The following PSMB7 variants were observed in gnomAD, a reference collection of about 807,000 sequenced individuals.
PSMB7 encodes the protein proteasome subunit beta type-7.
In PSMB7, 5 loss-of-function variants were observed where a neutral mutation model predicts 28.1. The ratio of observed to expected loss-of-function variants is 0.18; its 90% CI spans 0.09 to 0.37. The LOEUF is 0.37. PSMB7 is among the 10% of genes least tolerant of loss of function. PSMB7 has a pLI of 1.00. For missense variants in PSMB7, 275 were observed against 346.2 expected, an observed-to-expected ratio of 0.79 and a Z score of 1.63; for synonymous variants, 122 against 123.7, an observed-to-expected ratio of 0.99 and a Z score of 0.09.
chr9:124,356,780 T>C lies in PSMB7; in HGVS notation c.706A>G (p.Asn236Asp). Reference protein sequence around the residue: ...LDFLRPYTVPNKKGTRLGRYR... With the variant: ...LDFLRPYTVPDKKGTRLGRYR... Reference sequence around the variant, plus strand: ...TTCACTCACCTGGTCCCCTTCTTGTTGGGCACTGTGTATGGGCGGAGAAAA... The same window carrying C: ...TTCACTCACCTGGTCCCCTTCTTGTCGGGCACTGTGTATGGGCGGAGAAAA... Residue 236 changes from asparagine to aspartate, a missense_variant, in exon 7 of 8, where the codon AAC becomes GAC. Coordinates refer to ENST00000259457, the MANE Select transcript of PSMB7 (RefSeq NM_002799.4). This position sits in a 1 kb window ranked among gnomAD's most constrained non-coding sequence, Gnocchi z 4.4. The C allele has an allele frequency of 6.2e-7, 1 of 1,613,436 alleles. No individual in the cohort carries two copies. The highest frequency in any genetic ancestry group is 8.5e-7 in the Non-Finnish European group (1 of 1,179,536).
rs1421380019 is a variant in PSMB7 at position 124,358,329 on chromosome 9, G to C, written c.571-1414C>G. ...CAGAAGGACAGAGAAGGTTCTGCTG[G>C]AAGTGGGCTCCTCAGCAAACCAGCA... is the stretch of plus-strand genomic sequence containing the variant. On this transcript the variant is annotated intron_variant, in intron 6 of 7. Transcript: ENST00000259457. 3.3e-5 allele frequency among the ~76,000 whole-genome samples: 5 copies of C among 152,330 alleles called. No homozygotes were observed. The East Asian group carries it at 9.7e-4, about 29-fold the overall frequency.
intron 5 of PSMB7, among the ~76,000 whole-genome samples, chr9:124,386,356 G>A (rs140042197): frequency 4.6e-5 from 7 of 152,320 alleles, no homozygotes; most frequent in African/African-American, 1.7e-4. Context: ...AATGTTCTGT[G>A]AGTCACATAT....
chr9:124,396,253 C>T (rs1162174477), intron 5 of PSMB7, among the ~76,000 whole-genome samples: 2 of 152,116 alleles, frequency 1.3e-5, no homozygotes, highest in Admixed American at 1.3e-4. Flanking sequence ...AATATCTATA[C>T]AAAGGTTGTA....
chr9:124,393,604 C>T (rs549912154), intron 5 of PSMB7, among the ~76,000 whole-genome samples: 2 of 152,326 alleles, frequency 1.3e-5, no homozygotes, highest in South Asian at 4.1e-4. Flanking sequence ...AGTTCCTTTT[C>T]TAAATGTAAT....
At chr9:124,400,979 T>C (rs1431308848) in intron 5 of PSMB7, among the ~76,000 whole-genome samples, 1 of 152,226 alleles carries the variant, frequency 6.6e-6, no homozygotes, top group Non-Finnish European at 1.5e-5. Context: ...TAAGCTGATA[T>C]AAACACTTCT....
intron 4 of PSMB7, among the ~76,000 whole-genome samples, chr9:124,408,619 GGA>G (rs1830992745): frequency 6.6e-6 from 1 of 152,060 alleles, no homozygotes; most frequent in African/African-American, 2.4e-5. Flanking sequence ...TCTGATTTCA[GGA>G]GAGTTACAAG....
intron 5 of PSMB7, chr9:124,396,984 A>T (rs1191849034): frequency 2.8e-6 from 1 of 357,692 alleles, no homozygotes; most frequent in African/African-American, 2.1e-5. Flanking sequence ...AATCAAATGA[A>T]TCGATCACCA....
intron 6 of PSMB7, among the ~76,000 whole-genome samples, chr9:124,357,700 T>G (rs1830424471): frequency 6.6e-6 from 1 of 152,198 alleles, no homozygotes; most frequent in African/African-American, 2.4e-5. Flanking sequence ...CCCCATCACA[T>G]GCTATGTCCT....
At chr9:124,358,691 C>T in intron 6 of PSMB7, among the ~76,000 whole-genome samples, 1 of 152,232 alleles carries the variant, frequency 6.6e-6, no homozygotes, top group East Asian at 1.9e-4. Flanking sequence ...GGTGTGTGCG[C>T]ACATGGGCAC....
chr9:124,375,537 A>T (rs1830602206), intron 6 of PSMB7, among the ~76,000 whole-genome samples: 1 of 152,126 alleles, frequency 6.6e-6, no homozygotes, highest in African/African-American at 2.4e-5. Flanking sequence ...CCCCAGACAA[A>T]CGAGATACCG....
At chr9:124,362,127 A>G (rs532958846) in intron 6 of PSMB7, among the ~76,000 whole-genome samples, 45 of 152,386 alleles carry the variant, frequency 3.0e-4, no homozygotes, top group Middle Eastern at 3.4e-3. Context: ...ACTATTTTAT[A>G]CATAGCTTTG....
chr9:124,400,404 A>G (rs999296799), intron 5 of PSMB7, among the ~76,000 whole-genome samples: 1 of 152,196 alleles, frequency 6.6e-6, no homozygotes, highest in Non-Finnish European at 1.5e-5. Context: ...TAGCTCTCAA[A>G]AGGTAAAATG....
intron 5 of PSMB7, among the ~76,000 whole-genome samples, chr9:124,390,622 T>C (rs867472234): frequency 5.3e-5 from 8 of 152,350 alleles, no homozygotes; most frequent in Middle Eastern, 3.4e-3. Context: ...TTATGCACTA[T>C]ATATTATACA....
At chr9:124,392,985 TCA>T (rs1204701635) in intron 5 of PSMB7, among the ~76,000 whole-genome samples, 1 of 152,172 alleles carries the variant, frequency 6.6e-6, no homozygotes, top group East Asian at 1.9e-4. Flanking sequence ...TCACACTTGC[TCA>T]TTGTTAGTCA....
intron 6 of PSMB7, among the ~76,000 whole-genome samples, chr9:124,367,647 C>T (rs1360142331): frequency 2.0e-5 from 3 of 152,178 alleles, no homozygotes; most frequent in Non-Finnish European, 2.9e-5. Context: ...AGTCCTGTTA[C>T]TTACCAGCGG....
At chr9:124,371,275 A>C (rs1830559482) in intron 6 of PSMB7, among the ~76,000 whole-genome samples, 1 of 152,242 alleles carries the variant, frequency 6.6e-6, no homozygotes, top group South Asian at 2.1e-4. Flanking sequence ...TAAGATTCTA[A>C]GCTACAAACC....
At chr9:124,398,698 G>C (rs1830866467) in intron 5 of PSMB7, among the ~76,000 whole-genome samples, 1 of 152,152 alleles carries the variant, frequency 6.6e-6, no homozygotes, top group Admixed American at 6.5e-5. Flanking sequence ...TTAGTATTCA[G>C]AAGCAAGGCT....
chr9:124,373,761 A>C (rs1830584368), intron 6 of PSMB7, among the ~76,000 whole-genome samples: 1 of 152,254 alleles, frequency 6.6e-6, no homozygotes, highest in Non-Finnish European at 1.5e-5. Flanking sequence ...ATGGAAGGAT[A>C]TATGGAAAGG....
intron 7 of PSMB7, among the ~76,000 whole-genome samples, chr9:124,355,555 C>T (rs891456180): frequency 5.3e-5 from 8 of 152,228 alleles, no homozygotes; most frequent in Non-Finnish European, 8.8e-5. Context: ...AAATAACCAG[C>T]GAAGCAGGCT....
Sources: gnomAD v4.1 joint callset for allele counts (sites outside exome capture counted in the v4.1 genomes callset) on GRCh38, gnomAD v4.1.1 for gene constraint, Gnocchi (gnomAD v3.1) non-coding constraint, MANE v1.5 for transcripts, NCBI Gene and HGNC (gene_info 2026-07-23, HGNC 2026-07-21) for gene names.